Variants in ZHX2 observed in about 807,000 individuals in gnomAD.
ZHX2 encodes the protein zinc fingers and homeoboxes 2.
Under a neutral mutation model 21.9 loss-of-function variants are expected in ZHX2, and 6 were observed. That is an observed-to-expected ratio of 0.27 (90% CI 0.15 to 0.54). The LOEUF (loss-of-function observed/expected upper bound fraction) is 0.54, where lower values mean the gene tolerates loss of function less well. Among genes scored for constraint, ZHX2 ranks in the 20% least tolerant of loss-of-function variants. ZHX2 has a pLI of 0.95. For synonymous variants in ZHX2, 434 were observed against 437.1 expected (o/e 0.99, Z 0.09); for missense variants, 908 against 1,090.7 (o/e 0.83, Z 2.36).
At chr8:122,800,952 A>G (rs1817708553) in intron 1 of ZHX2, among the ~76,000 whole-genome samples, 1 of 152,268 alleles carries the variant, frequency 6.6e-6, no homozygotes, top group Non-Finnish European at 1.5e-5. Context: ...AACACAGCAC[A>G]GCTCAAAAGT....
At chr8:122,937,499 C>A (rs538595101) in intron 2 of ZHX2, among the ~76,000 whole-genome samples, 1 of 152,178 alleles carries the variant, frequency 6.6e-6, no homozygotes, top group East Asian at 1.9e-4. Context: ...CTCCAAAAAT[C>A]ATCCAGCTCA....
chr8:122,872,220 C>T (rs1248500714), intron 2 of ZHX2, among the ~76,000 whole-genome samples: 1 of 152,190 alleles, frequency 6.6e-6, no homozygotes, highest in East Asian at 1.9e-4. Context: ...TAGAAGACTG[C>T]TGGGCTGAAG....
intron 1 of ZHX2, among the ~76,000 whole-genome samples, chr8:122,797,118 A>T (rs923705463): frequency 4.6e-5 from 7 of 152,182 alleles, no homozygotes; most frequent in African/African-American, 1.7e-4. Flanking sequence ...AGGTTAGGCT[A>T]AGCTATGATA....
At chr8:122,857,615 G>A (rs944788669) in intron 1 of ZHX2, among the ~76,000 whole-genome samples, 7 of 152,174 alleles carry the variant, frequency 4.6e-5, no homozygotes, top group Non-Finnish European at 1.0e-4. Context: ...GGTTGTGGCT[G>A]GAGGGAGAGA....
At chr8:122,966,086 G>A (rs1813579389) in intron 3 of ZHX2, among the ~76,000 whole-genome samples, 1 of 152,122 alleles carries the variant, frequency 6.6e-6, no homozygotes, top group Non-Finnish European at 1.5e-5. Context: ...TACTTGGTTG[G>A]TAGATTTTTA....
chr8:122,842,575 C>T (rs564138069), intron 1 of ZHX2, among the ~76,000 whole-genome samples: 1 of 152,174 alleles, frequency 6.6e-6, no homozygotes, highest in Non-Finnish European at 1.5e-5. Context: ...GGCATGGTGG[C>T]AGGCACCTGT....
At chr8:122,850,360 G>A (rs757623573) in intron 1 of ZHX2, among the ~76,000 whole-genome samples, 11 of 152,014 alleles carry the variant, frequency 7.2e-5, no homozygotes, top group East Asian at 3.9e-4. Context: ...ACTACCGGCC[G>A]GGCGCAGTGG....
intron 1 of ZHX2, among the ~76,000 whole-genome samples, chr8:122,790,848 TCCTC>T (rs1159784805): frequency 6.6e-6 from 1 of 152,156 alleles, no homozygotes; most frequent in Non-Finnish European, 1.5e-5. Context: ...CCTCAAGCGA[TCCTC>T]CCATCTCAGC....
At chr8:122,789,071 G>A (rs1441972837) in intron 1 of ZHX2, among the ~76,000 whole-genome samples, 2 of 152,214 alleles carry the variant, frequency 1.3e-5, no homozygotes, top group Admixed American at 6.5e-5. Flanking sequence ...AGTTGGAGCC[G>A]GAGGAGAATC....
chr8:122,920,004 TG>T (rs1820699884), intron 2 of ZHX2, among the ~76,000 whole-genome samples: 1 of 152,232 alleles, frequency 6.6e-6, no homozygotes, highest in South Asian at 2.1e-4. Context: ...CTGGGCGCAG[TG>T]GCTCACACCT....
intron 2 of ZHX2, among the ~76,000 whole-genome samples, chr8:122,929,716 G>A (rs931851232): frequency 2.7e-4 from 41 of 151,404 alleles, no homozygotes; most frequent in African/African-American, 7.7e-4. Context: ...CATGGTTTTC[G>A]TGTCTGAAAA....
At chr8:122,900,409 C>T (rs1483163640) in intron 2 of ZHX2, among the ~76,000 whole-genome samples, 2 of 152,126 alleles carry the variant, frequency 1.3e-5, no homozygotes, top group South Asian at 2.1e-4. Flanking sequence ...GAGTGAGACT[C>T]GCCCACGAGG....
intron 2 of ZHX2, among the ~76,000 whole-genome samples, chr8:122,889,762 T>C (rs1020533851): frequency 6.6e-6 from 1 of 152,178 alleles, no homozygotes; most frequent in Admixed American, 6.5e-5. Context: ...AAAACCTGCA[T>C]ATTCCAAGGG....
At chr8:122,856,230 T>C (rs911447507) in intron 1 of ZHX2, among the ~76,000 whole-genome samples, 8 of 152,218 alleles carry the variant, frequency 5.3e-5, no homozygotes, top group Non-Finnish European at 1.0e-4. Flanking sequence ...ACCAAGAATA[T>C]GCTATCTCCC....
intron 1 of ZHX2, among the ~76,000 whole-genome samples, chr8:122,817,531 G>GGGCT (rs757691596): frequency 6.6e-6 from 1 of 152,194 alleles, no homozygotes; most frequent in Non-Finnish European, 1.5e-5. Context: ...TGGGAAAAGG[G>GGGCT]GGCTGCAAAG....
intron 3 of ZHX2, among the ~76,000 whole-genome samples, chr8:122,961,360 G>A (rs562511523): frequency 3.3e-5 from 5 of 152,200 alleles, no homozygotes; most frequent in South Asian, 2.1e-4. Flanking sequence ...TAGAGATTAC[G>A]GCTTCAACAT....
intron 1 of ZHX2, among the ~76,000 whole-genome samples, chr8:122,844,721 T>TTC (rs146798797): frequency 1.6e-4 from 24 of 151,208 alleles, no homozygotes; most frequent in Admixed American, 1.3e-3. Context: ...CTCTCTCTCT[T>TTC]TCTCTCTCTC....
intron 1 of ZHX2, among the ~76,000 whole-genome samples, chr8:122,825,758 T>C (rs2130654137): frequency 6.6e-6 from 1 of 152,314 alleles, no homozygotes; most frequent in South Asian, 2.1e-4. Context: ...CTGTAATTTA[T>C]CCTTCTCCAT....
At chr8:122,868,339 G>C (rs1455915151) in intron 2 of ZHX2, among the ~76,000 whole-genome samples, 3 of 152,018 alleles carry the variant, frequency 2.0e-5, no homozygotes, top group African/African-American at 7.3e-5. Context: ...GAAAGATTAA[G>C]TTAACACTTA....
Sources: gnomAD v4.1 joint callset for allele counts (sites outside exome capture counted in the v4.1 genomes callset) on GRCh38, gnomAD v4.1.1 for gene constraint, MANE v1.5 for transcripts, NCBI Gene and HGNC (gene_info 2026-07-23, HGNC 2026-07-21) for gene names.